Variants in GRIN2A observed in about 807,000 individuals in gnomAD.
GRIN2A encodes the protein glutamate receptor ionotropic, NMDA 2A.
In GRIN2A, 22 loss-of-function variants were observed where a neutral mutation model predicts 113.4. That is an observed-to-expected ratio of 0.19 (90% CI 0.14 to 0.28). GRIN2A has a LOEUF of 0.28. GRIN2A is among the 10% of genes least tolerant of loss of function. The probability of loss-of-function intolerance (pLI) is 1.00; values close to 1 mark genes in which losing one functional copy is unlikely to be tolerated. For missense variants in GRIN2A, 1,502 were observed against 1,887.0 expected (o/e 0.80, Z 3.78); for synonymous variants, 827 against 738.4 (o/e 1.12, Z -1.94).
intron 10 of GRIN2A, among the ~76,000 whole-genome samples, chr16:9,813,662 C>A (rs1249460328): frequency 1.3e-5 from 2 of 148,956 alleles, no homozygotes; most frequent in African/African-American, 2.5e-5. Context: ...TTTAATAGAG[C>A]TTACCAGGAA....
intron 4 of GRIN2A, among the ~76,000 whole-genome samples, chr16:9,882,889 A>G (rs1189370997): frequency 3.3e-5 from 5 of 152,208 alleles, no homozygotes; most frequent in South Asian, 2.1e-4. Flanking sequence ...CAGTGAGAGG[A>G]AAGGAAGCAG....
intron 2 of GRIN2A, among the ~76,000 whole-genome samples, chr16:9,987,491 C>T (rs994890787): frequency 6.6e-6 from 1 of 152,080 alleles, no homozygotes; most frequent in African/African-American, 2.4e-5. Flanking sequence ...TATCCAAATG[C>T]AGTAAAATAA....
chr16:10,079,995 C>A (rs972766958), intron 2 of GRIN2A, among the ~76,000 whole-genome samples: 3 of 152,186 alleles, frequency 2.0e-5, no homozygotes, highest in Non-Finnish European at 4.4e-5. Context: ...TCTCAGCGAG[C>A]AAATAAGAAT....
At chr16:10,036,164 C>T (rs186157471) in intron 2 of GRIN2A, among the ~76,000 whole-genome samples, 30 of 152,318 alleles carry the variant, frequency 2.0e-4, no homozygotes, top group African/African-American at 7.2e-4. Context: ...CAGGACTTCT[C>T]CCCTTTTCAA....
intron 3 of GRIN2A, among the ~76,000 whole-genome samples, chr16:9,901,830 C>A (rs945584620): frequency 1.2e-4 from 18 of 152,216 alleles, no homozygotes; most frequent in Non-Finnish European, 2.4e-4. Context: ...CTCATCCATG[C>A]TGCTACAAAA....
rs982691904 is a variant in GRIN2A at position 10,167,120 on chromosome 16, A to T, written c.414+12878T>A. Among the ~76,000 whole-genome samples the T allele has an allele frequency of 1.2e-3, 7 of 5,826 alleles. No homozygotes were observed. The Non-Finnish European group carries it at 0.03, about 25-fold the overall frequency. 3.8% of individuals were successfully genotyped at this position (5,826 alleles called of 152,430 possible). On this transcript the variant is annotated intron_variant, in intron 2 of 12. Transcript: ENST00000330684. ...TAGCGCCTGCATTATTCAAGGATCA[A>T]CTGTGTTTAATAAACCAATAAATAA...
chr16:9,966,520 C>T (rs1042506354), intron 2 of GRIN2A, among the ~76,000 whole-genome samples: 1 of 152,188 alleles, frequency 6.6e-6, no homozygotes, highest in African/African-American at 2.4e-5. Context: ...CACTCTATCA[C>T]TGATGGGCAA....
intron 2 of GRIN2A, among the ~76,000 whole-genome samples, chr16:10,090,837 T>C (rs918625408): frequency 3.3e-5 from 5 of 151,968 alleles, no homozygotes; most frequent in African/African-American, 1.2e-4. Flanking sequence ...TACAACTCAA[T>C]AATAAAACAA....
chr16:10,010,034 T>C (rs960769146), intron 2 of GRIN2A, among the ~76,000 whole-genome samples: 2 of 152,198 alleles, frequency 1.3e-5, no homozygotes, highest in East Asian at 1.9e-4. Context: ...ACTCTACGAG[T>C]GAGGAGCAAG....
chr16:10,180,113 A>C lies in GRIN2A; in HGVS notation c.299T>G (p.Phe100Cys). 1 of 1,614,190 alleles carries C rather than the reference A, an allele frequency of 6.2e-7. No homozygotes were observed. Among genetic ancestry groups the C allele is most frequent in the East Asian group, 2.2e-5 (1 of 44,866 alleles). ...MSGARIHGLV[F>C]GDDTDQEAVA... is the part of the protein sequence containing the mutation. ...GGCCTCCTGGTCCGTGTCGTCCCCA[A>C]ACACGAGGCCGTGGATGCGTGCCCC... Residue 100 changes from phenylalanine to cysteine, a missense_variant, in exon 2 of 13, where the codon TTT becomes TGT. By Grantham distance (205) the Phe-to-Cys change is radical. Coordinates refer to ENST00000330684, the MANE Select transcript of GRIN2A (RefSeq NM_001134407.3). This position sits in a 1 kb window ranked among gnomAD's most constrained non-coding sequence, Gnocchi z 7.0.
intron 9 of GRIN2A, among the ~76,000 whole-genome samples, chr16:9,824,838 C>T (rs2042356367): frequency 6.6e-6 from 1 of 151,998 alleles, no homozygotes. Flanking sequence ...TCATGGCTCA[C>T]TAAAGAGTCA....
At chr16:9,864,056 T>C (rs2043119391) in intron 4 of GRIN2A, among the ~76,000 whole-genome samples, 1 of 152,230 alleles carries the variant, frequency 6.6e-6, no homozygotes, top group Non-Finnish European at 1.5e-5. Context: ...ATAACTATTA[T>C]TATTTTTTAA....
chr16:10,116,233 A>G (rs1269125861), intron 2 of GRIN2A, among the ~76,000 whole-genome samples: 1 of 152,156 alleles, frequency 6.6e-6, no homozygotes, highest in Non-Finnish European at 1.5e-5. Flanking sequence ...AAAACCAAAA[A>G]CCACATGTTC....
chr16:9,872,265 C>G (rs539951446), intron 4 of GRIN2A, among the ~76,000 whole-genome samples: 1 of 152,278 alleles, frequency 6.6e-6, no homozygotes, highest in East Asian at 1.9e-4. Context: ...AAATGTTGAT[C>G]AAACTCGCTC....
At chr16:9,902,806 C>T (rs932161189) in intron 3 of GRIN2A, among the ~76,000 whole-genome samples, 1 of 152,072 alleles carries the variant, frequency 6.6e-6, no homozygotes. Flanking sequence ...TTAGTATATG[C>T]TGTTCCTCCC....
intron 10 of GRIN2A, 79 bp from the exon 11 acceptor site, chr16:9,798,543 A>G: frequency 2.0e-6 from 2 of 1,015,850 alleles, no homozygotes; most frequent in Non-Finnish European, 3.1e-6. Context: ...CCTGATCCTG[A>G]AAGCATCCCA....
At chr16:9,834,346 T>C in intron 7 of GRIN2A, 116 bp from the exon 8 acceptor site, 7 of 905,932 alleles carry the variant, frequency 7.7e-6, no homozygotes, top group Non-Finnish European at 1.1e-5. Flanking sequence ...CTAATTTGAA[T>C]CTGATCCTTC....
At chr16:10,045,557 C>A (rs2141971455) in intron 2 of GRIN2A, among the ~76,000 whole-genome samples, 1 of 152,320 alleles carries the variant, frequency 6.6e-6, no homozygotes, top group African/African-American at 2.4e-5. Context: ...GAGGTGACAA[C>A]CTATCCTCGG....
intron 2 of GRIN2A, among the ~76,000 whole-genome samples, chr16:10,023,727 C>G (rs2046767820): frequency 6.6e-6 from 1 of 152,178 alleles, no homozygotes; most frequent in South Asian, 2.1e-4. Context: ...GTTGAACCTA[C>G]AAACAGAAAT....
Sources: gnomAD v4.1 joint callset for allele counts (sites outside exome capture counted in the v4.1 genomes callset) on GRCh38, gnomAD v4.1.1 for gene constraint, Gnocchi (gnomAD v3.1) non-coding constraint, MANE v1.5 for transcripts, NCBI Gene and HGNC (gene_info 2026-07-23, HGNC 2026-07-21) for gene names.